The following WDFY4 variants were observed in gnomAD, a reference collection of about 807,000 sequenced individuals.
WDFY4 encodes the protein WD repeat- and FYVE domain-containing protein 4.
Under a neutral mutation model 351.9 loss-of-function variants are expected in WDFY4, and 169 were observed. The observed-to-expected ratio is 0.48, with a 90% CI of 0.42 to 0.55. The LOEUF (loss-of-function observed/expected upper bound fraction) is 0.55, where lower values mean the gene tolerates loss of function less well. Among genes scored for constraint, WDFY4 ranks in the 20% least tolerant of loss-of-function variants. The pLI is 0.00. For synonymous variants in WDFY4, 1,622 were observed against 1,574.6 expected (o/e 1.03, Z -0.71); for missense variants, 3,803 against 3,935.6 (o/e 0.97, Z 0.90).
chr10:48,895,972 A>G (rs1421498050), intron 44 of WDFY4, among the ~76,000 whole-genome samples: 3 of 152,128 alleles, frequency 2.0e-5, no homozygotes, highest in African/African-American at 7.2e-5. Flanking sequence ...CACCTCTCCA[A>G]GATTGCTTCT....
intron 47 of WDFY4, among the ~76,000 whole-genome samples, chr10:48,938,669 G>A (rs1053683433): frequency 1.3e-5 from 2 of 152,232 alleles, no homozygotes; most frequent in African/African-American, 4.8e-5. Flanking sequence ...GGTAGGGAAG[G>A]CCCTAAGGCC....
At chr10:48,885,310 G>C (rs1173813563) in intron 43 of WDFY4, among the ~76,000 whole-genome samples, 3 of 152,194 alleles carry the variant, frequency 2.0e-5, no homozygotes, top group Admixed American at 6.5e-5. Flanking sequence ...ATGAGTCCAA[G>C]TTTTACAATA....
In WDFY4 at chr10:48,976,817, G is replaced by A. The variant is rs1043948661; in HGVS notation, c.9129G>A (p.Ala3043=). ...CACAGGGCACCATTGTCTCCTGTGCGGGAGCACACTTGTCCCTGTGGAATG... is the reference window on the plus strand; with the variant it reads ...CACAGGGCACCATTGTCTCCTGTGCAGGAGCACACTTGTCCCTGTGGAATG... ...SDVSGTIVSC[A]GAHLSLWNVN... Residue 3043 remains alanine (A), a synonymous_variant, in exon 59 of 62, where the codon GCG becomes GCA. Transcript: ENST00000325239. 6 of 1,488,790 alleles carry A rather than the reference G, an allele frequency of 4.0e-6. No homozygotes were observed. The highest frequency in any genetic ancestry group is 2.6e-5 in the East Asian group (1 of 37,848). 92.2% of individuals were successfully genotyped at this position (1,488,790 alleles called of 1,614,324 possible). A position where few individuals can be genotyped will look rare whatever the true frequency, so the allele number is the denominator to read the frequency against.
At chr10:48,918,913 A>G (rs926673685) in intron 47 of WDFY4, among the ~76,000 whole-genome samples, 2 of 152,242 alleles carry the variant, frequency 1.3e-5, no homozygotes, top group African/African-American at 4.8e-5. Context: ...ACTGAGGAGC[A>G]AAATTGCCTG....
chr10:48,858,293 AC>A (rs1808233539), intron 39 of WDFY4, among the ~76,000 whole-genome samples: 1 of 151,936 alleles, frequency 6.6e-6, no homozygotes, highest in Non-Finnish European at 1.5e-5. Context: ...AAATCTAAGA[AC>A]TCTTTGCTTA....
chr10:48,950,521 A>G (rs1332994709), intron 51 of WDFY4, among the ~76,000 whole-genome samples: 3 of 152,138 alleles, frequency 2.0e-5, no homozygotes, highest in Admixed American at 6.6e-5. Flanking sequence ...CAAGCTTGTG[A>G]GAGGCTGCTG....
chr10:48,953,835 C>T (rs1373918391), intron 51 of WDFY4, among the ~76,000 whole-genome samples: 1 of 152,202 alleles, frequency 6.6e-6, no homozygotes, highest in Non-Finnish European at 1.5e-5. Context: ...GAATTGAAGC[C>T]ACATTGGAGA....
At chr10:48,846,090 C>G (rs1381867265) in intron 39 of WDFY4, among the ~76,000 whole-genome samples, 1 of 152,226 alleles carries the variant, frequency 6.6e-6, no homozygotes, top group East Asian at 1.9e-4. Context: ...TGTCATGCCT[C>G]TGATCAAAAA....
At chr10:48,816,564 G>A (rs2067626857) in intron 31 of WDFY4, among the ~76,000 whole-genome samples, 1 of 152,092 alleles carries the variant, frequency 6.6e-6, no homozygotes, top group Non-Finnish European at 1.5e-5. Flanking sequence ...GGCCTAATGA[G>A]CAATTAATTT....
At chr10:48,946,990 G>GTA (rs1280028432) in intron 51 of WDFY4, 21 bp downstream of exon 51, 6 of 1,294,532 alleles carry the variant, frequency 4.6e-6, no homozygotes, top group African/African-American at 3.7e-5. Context: ...GCCACTCTCT[G>GTA]TACACACACA....
intron 39 of WDFY4, among the ~76,000 whole-genome samples, chr10:48,847,582 G>A (rs1289762233): frequency 6.6e-6 from 1 of 152,028 alleles, no homozygotes; most frequent in African/African-American, 2.4e-5. Context: ...CTGTGAGAAT[G>A]AGGCCGACAG....
intron 39 of WDFY4, among the ~76,000 whole-genome samples, chr10:48,839,749 A>G (rs2133112406): frequency 6.6e-6 from 1 of 152,392 alleles, no homozygotes; most frequent in African/African-American, 2.4e-5. Context: ...AGTGGGAGGA[A>G]AAGTCTTTTG....
rs2063716151 is a variant in WDFY4 at position 48,709,597 on chromosome 10, T to C, written c.-17-119T>C. The C allele has an allele frequency of 4.8e-6, 4 of 840,718 alleles. No individual in the cohort carries two copies. The Admixed American group carries it at 1.1e-4, about 23-fold the overall frequency. 52.1% of individuals were successfully genotyped at this position (840,718 alleles called of 1,614,324 possible). A position where few individuals can be genotyped will look rare whatever the true frequency, so the allele number is the denominator to read the frequency against. ...TTCCTTATTTTAGTCTGTTTCAGATTCTTAGGGGAACCATTTTCAATAGAA... is the reference window on the plus strand; with the variant it reads ...TTCCTTATTTTAGTCTGTTTCAGATCCTTAGGGGAACCATTTTCAATAGAA... On this transcript the variant is annotated intron_variant, in intron 1 of 61. Coordinates refer to ENST00000325239, the MANE Select transcript of WDFY4 (RefSeq NM_001394531.1).
Position 48,941,659 on chromosome 10 carries a change from G to C in WDFY4, c.7587-147G>C, listed in dbSNP as rs1840771718. ...AGCTGGATGACAGTCTCCCTGTGCTGTCCGCTGAGAGTTGCTCTGGGATTT... is the reference window on the plus strand; with the variant it reads ...AGCTGGATGACAGTCTCCCTGTGCTCTCCGCTGAGAGTTGCTCTGGGATTT... On this transcript the variant is annotated intron_variant, in intron 47 of 61. Coordinates refer to ENST00000325239, the MANE Select transcript of WDFY4 (RefSeq NM_001394531.1). 3.9e-6 allele frequency: 3 copies of C among 772,594 alleles called. No homozygotes were observed. The Admixed American group carries it at 6.2e-5, about 16-fold the overall frequency. 47.9% of individuals were successfully genotyped at this position (772,594 alleles called of 1,614,324 possible).
intron 20 of WDFY4, 104 bp downstream of exon 20, chr10:48,786,974 C>T (rs2066424798): frequency 1.0e-6 from 1 of 975,488 alleles, no homozygotes; most frequent in South Asian, 1.6e-5. Context: ...GCGTTAAAGT[C>T]AGTCATTAGG....
At chr10:48,937,502 C>G (rs1458677234) in intron 47 of WDFY4, among the ~76,000 whole-genome samples, 1 of 152,282 alleles carries the variant, frequency 6.6e-6, no homozygotes, top group East Asian at 1.9e-4. Flanking sequence ...TGAATTTCAC[C>G]TCCCTGGCCT....
chr10:48,910,374 G>A, intron 47 of WDFY4: 1 of 884,660 alleles, frequency 1.1e-6, no homozygotes, highest in Non-Finnish European at 1.9e-6. Context: ...AGGATGGTCA[G>A]GTTAGTGTGA....
chr10:48,916,333 T>C (rs1280433438), intron 47 of WDFY4, among the ~76,000 whole-genome samples: 1 of 152,194 alleles, frequency 6.6e-6, no homozygotes, highest in Non-Finnish European at 1.5e-5. Context: ...TTTTTAAGGG[T>C]CAGAGACAGT....
chr10:48,804,780 G>GGA, intron 25 of WDFY4: 1 of 982,938 alleles, frequency 1.0e-6, no homozygotes, highest in African/African-American at 1.8e-5. Flanking sequence ...TGAGGGAGGG[G>GGA]GTATGGATAG....
Sources: allele counts gnomAD v4.1 joint callset (sites outside exome capture counted in the v4.1 genomes callset), GRCh38; gene constraint gnomAD v4.1.1; transcripts MANE v1.5; gene names NCBI Gene and HGNC (gene_info 2026-07-23, HGNC 2026-07-21).